The following FGFR2 variants were observed in gnomAD, a reference collection of about 807,000 sequenced individuals.
The protein encoded by FGFR2 is fibroblast growth factor receptor 2.
In FGFR2, 19 loss-of-function variants were observed where a neutral mutation model predicts 95.9. That is an observed-to-expected ratio of 0.20 (90% CI 0.14 to 0.29). The LOEUF (loss-of-function observed/expected upper bound fraction) is 0.29, where lower values mean the gene tolerates loss of function less well. FGFR2 is among the 10% of genes least tolerant of loss of function. FGFR2 has a pLI of 1.00. For synonymous variants in FGFR2, 392 were observed against 393.3 expected (o/e 1.00, Z 0.04); for missense variants, 707 against 1,056.9 (o/e 0.67, Z 4.59).
At chr10:121,558,577 T>C (rs1429241654) in intron 4 of FGFR2, among the ~76,000 whole-genome samples, 1 of 152,050 alleles carries the variant, frequency 6.6e-6, no homozygotes, top group African/African-American at 2.4e-5. Context: ...TTTCAATGCA[T>C]GTACAACATG....
chr10:121,492,722 C>T (rs1420938909), intron 13 of FGFR2, among the ~76,000 whole-genome samples: 1 of 152,210 alleles, frequency 6.6e-6, no homozygotes, highest in Admixed American at 6.5e-5. Context: ...ACATCTTCAT[C>T]TACCTCCATT....
At chr10:121,597,746 G>A (rs1391640964) in intron 1 of FGFR2, among the ~76,000 whole-genome samples, 1 of 152,248 alleles carries the variant, frequency 6.6e-6, no homozygotes, top group African/African-American at 2.4e-5. Flanking sequence ...CTGGATGGGG[G>A]TAGCAGAGGC....
intron 10 of FGFR2, among the ~76,000 whole-genome samples, chr10:121,501,275 G>A (rs945551253): frequency 1.3e-5 from 2 of 152,110 alleles, no homozygotes; most frequent in African/African-American, 4.8e-5. Flanking sequence ...TTAAATATTT[G>A]TAATTTAGAA....
chr10:121,570,866 T>G (rs1033919021), intron 2 of FGFR2, among the ~76,000 whole-genome samples: 1 of 152,248 alleles, frequency 6.6e-6, no homozygotes, highest in Non-Finnish European at 1.5e-5. Context: ...CAACACTCGT[T>G]TCTACTGCCG....
At chr10:121,569,224 C>CTTTTCT (rs1471264618) in intron 2 of FGFR2, among the ~76,000 whole-genome samples, 67 of 83,844 alleles carry the variant, frequency 8.0e-4, no homozygotes, top group African/African-American at 3.3e-3. Flanking sequence ...CTTTTCTTTT[C>CTTTTCT]TTTTTTTTTT....
chr10:121,594,108 T>C (rs1278658024), intron 1 of FGFR2, 141 bp from the exon 2 acceptor site: 2 of 529,108 alleles, frequency 3.8e-6, no homozygotes, highest in Non-Finnish European at 6.9e-6. Context: ...CCTTCCATCC[T>C]CACCTCAGAG....
chr10:121,565,897 T>C (rs955155779), intron 2 of FGFR2, 193 bp from the exon 3 acceptor site: 2 of 646,522 alleles, frequency 3.1e-6, no homozygotes, highest in African/African-American at 1.8e-5. Context: ...AACCAGAGGA[T>C]ACCCCCAGAA....
chr10:121,536,718 C>T (rs1239484792), intron 6 of FGFR2, among the ~76,000 whole-genome samples: 1 of 152,194 alleles, frequency 6.6e-6, no homozygotes, highest in African/African-American at 2.4e-5. Context: ...CAACCTAAAA[C>T]TTGCTTTAAG....
intron 17 of FGFR2, among the ~76,000 whole-genome samples, chr10:121,483,091 T>C (rs1844969900): frequency 6.6e-6 from 1 of 152,168 alleles, no homozygotes; most frequent in Non-Finnish European, 1.5e-5. Context: ...GCATAAATAT[T>C]TTAGGGAAAA....
intron 17 of FGFR2, among the ~76,000 whole-genome samples, chr10:121,480,669 C>A (rs1180396333): frequency 6.6e-6 from 1 of 152,212 alleles, no homozygotes; most frequent in African/African-American, 2.4e-5. Context: ...AAGGCTTAGA[C>A]ATACTCATGT....
In FGFR2 at chr10:121,517,444, G is replaced by A. The variant is rs2134259953; in HGVS notation, c.959C>T (p.Thr320Met). Residue 320 changes from threonine to methionine, a missense_variant, in exon 8 of 18, where the codon ACG becomes ATG. Around this residue, in one of 7 missense-constraint regions of FGFR2, gnomAD observed 139 missense variants for 278.1 expected, o/e 0.50. Coordinates refer to ENST00000358487, the MANE Select transcript of FGFR2 (RefSeq NM_000141.5). This position sits in a 1 kb window ranked among gnomAD's most constrained non-coding sequence, Gnocchi z 4.7. The stretch of plus-strand genomic sequence containing the variant: ...ATAGAGAACCTCAATCTCTTTGTCC[G>A]TGGTGTTAACACCGGCGGCCTAGAA... ...KVLKAAGVNTTDKEIEVLYIR... is the reference protein window; with the variant it reads ...KVLKAAGVNTMDKEIEVLYIR... The A allele has an allele frequency of 5.0e-6, 8 of 1,614,116 alleles. No homozygotes were observed. The highest frequency in any genetic ancestry group is 6.8e-6 in the Non-Finnish European group (8 of 1,180,026).
intron 4 of FGFR2, among the ~76,000 whole-genome samples, chr10:121,556,537 C>T (rs1856187696): frequency 6.6e-6 from 1 of 151,954 alleles, no homozygotes; most frequent in Non-Finnish European, 1.5e-5. Context: ...TCTGGCCCAA[C>T]GACTGATGAT....
At chr10:121,595,481 G>A (rs1053954815) in intron 1 of FGFR2, among the ~76,000 whole-genome samples, 2 of 151,686 alleles carry the variant, frequency 1.3e-5, no homozygotes, top group African/African-American at 4.8e-5. Context: ...GTGTATGCAC[G>A]GTGTGTGTGT....
intron 4 of FGFR2, among the ~76,000 whole-genome samples, chr10:121,561,199 C>G (rs1200180443): frequency 6.6e-6 from 1 of 152,002 alleles, no homozygotes; most frequent in Non-Finnish European, 1.5e-5. Flanking sequence ...CCGAGGCAGG[C>G]AGATCACCTG....
At chr10:121,482,233 T>G (rs2133739750) in intron 17 of FGFR2, 1 of 1,552,240 alleles carries the variant, frequency 6.4e-7, no homozygotes, top group Non-Finnish European at 8.9e-7. Context: ...TTAAAGGAAC[T>G]TATACTAGAA....
At chr10:121,584,868 C>A (rs867323010) in intron 2 of FGFR2, among the ~76,000 whole-genome samples, 1 of 77,722 alleles carries the variant, frequency 1.3e-5, no homozygotes, top group Admixed American at 1.4e-4. Flanking sequence ...CCCACCCCAA[C>A]CGATCCCATA....
chr10:121,553,773 C>T (rs1238546813), intron 4 of FGFR2, among the ~76,000 whole-genome samples: 1 of 152,158 alleles, frequency 6.6e-6, no homozygotes, highest in Non-Finnish European at 1.5e-5. Context: ...CAGATATGTG[C>T]TTACATACCA....
chr10:121,588,078 T>A (rs1034107997), intron 2 of FGFR2, among the ~76,000 whole-genome samples: 2 of 152,188 alleles, frequency 1.3e-5, no homozygotes, highest in African/African-American at 4.8e-5. Context: ...AAGAGCAAGA[T>A]CATGTCTTTT....
chr10:121,594,226 C>T (rs1307237920), intron 1 of FGFR2: 15 of 398,394 alleles, frequency 3.8e-5, no homozygotes, highest in South Asian at 2.9e-4. Flanking sequence ...GACTCAGATA[C>T]GTGCAGCCAC....
Sources: gnomAD v4.1 joint callset for allele counts (sites outside exome capture counted in the v4.1 genomes callset) on GRCh38, gnomAD v4.1.1 for gene constraint, gnomAD v4.1.1 regional missense constraint, Gnocchi (gnomAD v3.1) non-coding constraint, MANE v1.5 for transcripts, NCBI Gene and HGNC (gene_info 2026-07-23, HGNC 2026-07-21) for gene names.